Variants in ARHGAP8 observed in about 807,000 individuals in gnomAD.
ARHGAP8 encodes the protein Rho GTPase activating protein 8.
ARHGAP8 carries 62 observed loss-of-function variants against 46.1 expected under a neutral mutation model. The observed-to-expected ratio is 1.34, with a 90% CI of 1.10 to 1.66. ARHGAP8 has a LOEUF of 1.66. Ranked by LOEUF, ARHGAP8 falls within the 40% of genes most tolerant of loss-of-function variation. The pLI is 0.00. For missense variants in ARHGAP8, 923 were observed against 568.4 expected (o/e 1.62, Z -6.34); for synonymous variants, 375 against 243.1 (o/e 1.54, Z -5.05).
chr22:44,814,787 C>G, intron 5 of ARHGAP8, 29 bp downstream of exon 5: 1 of 1,611,150 alleles, frequency 6.2e-7, no homozygotes, highest in East Asian at 2.2e-5. Flanking sequence ...GAGGACCTCG[C>G]TGGGGTTGGA....
At chr22:44,786,645 G>A in intron 2 of ARHGAP8, 39 bp downstream of exon 2, 1 of 1,590,570 alleles carries the variant, frequency 6.3e-7, no homozygotes, top group Non-Finnish European at 8.6e-7. Flanking sequence ...ACCATGGGCA[G>A]AGCAGCCTTC....
intron 1 of ARHGAP8, among the ~76,000 whole-genome samples, chr22:44,761,625 G>T (rs936792173): frequency 6.6e-6 from 1 of 152,212 alleles, no homozygotes; most frequent in Non-Finnish European, 1.5e-5. Context: ...CTTGCACCTG[G>T]TTGAGAGCTA....
At chr22:44,858,438 G>C (rs1042823825) in intron 10 of ARHGAP8, among the ~76,000 whole-genome samples, 1 of 147,978 alleles carries the variant, frequency 6.8e-6, no homozygotes, top group African/African-American at 2.5e-5. Context: ...CACCATCTCG[G>C]CTCAGTGCAG....
At chr22:44,791,022 C>T (rs1048545820) in intron 2 of ARHGAP8, among the ~76,000 whole-genome samples, 16 of 152,072 alleles carry the variant, frequency 1.1e-4, no homozygotes, top group East Asian at 1.9e-4. Flanking sequence ...CGTGAGCCAC[C>T]GCACCTGGAA....
chr22:44,847,003 G>A (rs548439636), intron 8 of ARHGAP8, among the ~76,000 whole-genome samples: 97 of 152,322 alleles, frequency 6.4e-4, no homozygotes, highest in African/African-American at 2.2e-3. Context: ...GAAGGGGCTC[G>A]TGGCTGTGGG....
In ARHGAP8 at chr22:44,845,454, G is replaced by T. The variant is rs997195442; in HGVS notation, c.670+112G>T. On this transcript the variant is annotated intron_variant, in intron 8 of 11. Coordinates refer to ENST00000356099, the MANE Select transcript of ARHGAP8 (RefSeq NM_181335.3). ...CAAGCCAGGGGGTGTGACCAGGAAG[G>T]GAGGGGCTCAAGCACAGTGGCTCCA... 2.2e-5 allele frequency: 32 copies of T among 1,451,940 alleles called. No individual in the cohort carries two copies. The African/African-American group carries it at 3.0e-4, about 13-fold the overall frequency. The allele number at this position is 1,451,940 out of a possible 1,614,324, so 89.9% of individuals were successfully genotyped here. A position where few individuals can be genotyped will look rare whatever the true frequency, so the allele number is the denominator to read the frequency against.
chr22:44,822,036 T>C (rs987843617), intron 5 of ARHGAP8, among the ~76,000 whole-genome samples: 1 of 152,236 alleles, frequency 6.6e-6, no homozygotes, highest in African/African-American at 2.4e-5. Context: ...GTGCCCCCTG[T>C]CTAGCCTGCA....
In ARHGAP8 at chr22:44,862,438, G is replaced by A; in HGVS notation, c.1145G>A (p.Ser382Asn). ...ATCGAGTACTATGAAAAGATCTTCA[G>A]CACCCCGGAGGCACCTGGGGAGCAC... ...LLIEYYEKIF[S>N]TPEAPGEHGL... Residue 382 changes from serine to asparagine, a missense_variant, in exon 12 of 12, where the codon AGC (serine) becomes AAC (asparagine). Coordinates refer to ENST00000356099, the MANE Select transcript of ARHGAP8 (RefSeq NM_181335.3). 1 of 1,614,102 alleles carries A rather than the reference G, an allele frequency of 6.2e-7. No homozygotes were observed. Among genetic ancestry groups the A allele is most frequent in the Non-Finnish European group, 8.5e-7 (1 of 1,180,020 alleles).
At chr22:44,862,037 A>G (rs1311815618) in intron 11 of ARHGAP8, among the ~76,000 whole-genome samples, 1 of 152,184 alleles carries the variant, frequency 6.6e-6, no homozygotes, top group African/African-American at 2.4e-5. Context: ...AGGCTGTCAC[A>G]GAAGGTCAGA....
At chr22:44,820,499 G>T (rs1256564919) in intron 5 of ARHGAP8, among the ~76,000 whole-genome samples, 2 of 152,202 alleles carry the variant, frequency 1.3e-5, no homozygotes, top group Non-Finnish European at 2.9e-5. Context: ...TTCCAGCAGA[G>T]ACCAGACTGT....
intron 7 of ARHGAP8, among the ~76,000 whole-genome samples, chr22:44,832,942 C>T (rs1018440934): frequency 6.6e-6 from 1 of 151,714 alleles, no homozygotes; most frequent in South Asian, 2.1e-4. Flanking sequence ...GCCTGGACAA[C>T]ATAGCAAGAC....
chr22:44,848,037 G>A lies in ARHGAP8; in HGVS notation c.735G>A (p.Arg245=). Residue 245 remains arginine (R), a synonymous_variant, in exon 9 of 12, where the codon AGG becomes AGA. Transcript: ENST00000356099. Reference sequence around the variant, plus strand: ...TGCAGACCGTCCGCGAGATCCAGAGGCTCTACAACCAAGGTGAGGGTGTCC... The same window carrying A: ...TGCAGACCGTCCGCGAGATCCAGAGACTCTACAACCAAGGTGAGGGTGTCC... ...ASVQTVREIQ[R]LYNQGKPVNF... The A allele has an allele frequency of 1.2e-6, 2 of 1,607,098 alleles. No homozygotes were observed. Among genetic ancestry groups the A allele is most frequent in the Non-Finnish European group, 8.5e-7 (1 of 1,179,960 alleles).
rs528647140 is a variant in ARHGAP8, at chr22:44,779,429, C to T, written c.-71-7028C>T. On this transcript the variant is annotated intron_variant, in intron 1 of 11. Coordinates refer to ENST00000356099, the MANE Select transcript of ARHGAP8 (RefSeq NM_181335.3). The stretch of plus-strand genomic sequence containing the variant: ...GTCTGACTTTTTGTTCAACATATTG[C>T]GAGACCACTCACGTCGGTACGCGTG... 2.5e-4 allele frequency among the ~76,000 whole-genome samples: 38 copies of T among 152,098 alleles called. No individual in the cohort carries two copies. The South Asian group carries it at 7.7e-3, about 31-fold the overall frequency.
rs148561103 is a variant in ARHGAP8 at position 44,848,100 on chromosome 22, C to T, written c.748+50C>T. 1.2e-4 allele frequency: 195 copies of T among 1,596,932 alleles called. No individual in the cohort carries two copies. The East Asian group carries it at 4.3e-3, about 35-fold the overall frequency. Reference sequence around the variant, plus strand: ...CCCCGAGCTGCCTGGTCAGCGAGCACAGCGCTCCGGGGCCTCAGAGCGGAG... The same window carrying T: ...CCCCGAGCTGCCTGGTCAGCGAGCATAGCGCTCCGGGGCCTCAGAGCGGAG... On this transcript the variant is annotated intron_variant, in intron 9 of 11. Coordinates refer to ENST00000356099, the MANE Select transcript of ARHGAP8 (RefSeq NM_181335.3).
At chr22:44,773,588 CTCTTTTTTCTT>C (rs1926198696) in intron 1 of ARHGAP8, among the ~76,000 whole-genome samples, 1 of 152,004 alleles carries the variant, frequency 6.6e-6, no homozygotes, top group Non-Finnish European at 1.5e-5. Context: ...TCTTTTTTCT[CTCTTTTTTCTT>C]GAGACAGGGT....
chr22:44,839,227 G>A (rs1188453542), intron 7 of ARHGAP8, among the ~76,000 whole-genome samples: 7 of 152,152 alleles, frequency 4.6e-5, no homozygotes, highest in African/African-American at 1.7e-4. Flanking sequence ...GGAGGCAGGG[G>A]GCCAGGTCCG....
At chr22:44,783,204 A>T (rs997549428) in intron 1 of ARHGAP8, among the ~76,000 whole-genome samples, 2 of 152,066 alleles carry the variant, frequency 1.3e-5, no homozygotes, top group Non-Finnish European at 2.9e-5. Context: ...CCCCACGTTC[A>T]AGGTTCCATG....
intron 1 of ARHGAP8, among the ~76,000 whole-genome samples, chr22:44,765,587 T>G (rs1925491726): frequency 6.6e-6 from 1 of 152,110 alleles, no homozygotes. Context: ...GGCTGGAAGC[T>G]GCCCTCCTCC....
chr22:44,781,354 C>T (rs981693163), intron 1 of ARHGAP8, among the ~76,000 whole-genome samples: 5 of 152,060 alleles, frequency 3.3e-5, no homozygotes, highest in Admixed American at 1.3e-4. Flanking sequence ...GCTGTGGCAG[C>T]GTGACGGTAA....
Sources: gnomAD v4.1 joint callset for allele counts (sites outside exome capture counted in the v4.1 genomes callset) on GRCh38, gnomAD v4.1.1 for gene constraint, MANE v1.5 for transcripts, NCBI Gene and HGNC (gene_info 2026-07-23, HGNC 2026-07-21) for gene names.